PHLPP2: variants seen among roughly 807,000 people sequenced by gnomAD.
The protein encoded by PHLPP2 is PH domain and leucine rich repeat protein phosphatase 2.
A neutral mutation model predicts 124.9 loss-of-function variants in PHLPP2; 66 were observed. That is an observed-to-expected ratio of 0.53 (90% CI 0.43 to 0.65). PHLPP2 has a LOEUF of 0.65. Among genes scored for constraint, PHLPP2 ranks in the 30% least tolerant of loss-of-function variants. PHLPP2 has a pLI of 0.00. For missense variants in PHLPP2, 1,685 were observed against 1,600.4 expected, an observed-to-expected ratio of 1.05 and a Z score of -0.90; for synonymous variants, 681 against 624.7, an observed-to-expected ratio of 1.09 and a Z score of -1.34.
chr16:71,684,126 T>C (rs895576077), intron 5 of PHLPP2, among the ~76,000 whole-genome samples: 1 of 58,946 alleles, frequency 1.7e-5, no homozygotes, highest in African/African-American at 5.2e-5. Context: ...TGAGGTACTC[T>C]TTTTTTTTTT....
At chr16:71,652,378 G>A (rs893755402) in intron 18 of PHLPP2, among the ~76,000 whole-genome samples, 1 of 152,174 alleles carries the variant, frequency 6.6e-6, no homozygotes, top group Non-Finnish European at 1.5e-5. Context: ...GAGAACACCA[G>A]AGCATACTAC....
chr16:71,653,200 T>C (rs997027768), intron 17 of PHLPP2, among the ~76,000 whole-genome samples, 179 bp from the exon 18 acceptor site: 2 of 151,552 alleles, frequency 1.3e-5, no homozygotes, highest in Middle Eastern at 3.4e-3. Flanking sequence ...GAGACAGTTC[T>C]GCCTTCCACT....
intron 10 of PHLPP2, among the ~76,000 whole-genome samples, chr16:71,670,695 A>ACACACACACACACACACACAC (rs372978115): frequency 3.1e-5 from 4 of 129,024 alleles, no homozygotes; most frequent in African/African-American, 1.2e-4. Flanking sequence ...AGAGGCTGAA[A>ACACACACACACACACACACAC]ACACACACAC....
chr16:71,664,306 G>A (rs2044819779), intron 12 of PHLPP2: 1 of 588,512 alleles, frequency 1.7e-6, no homozygotes, highest in East Asian at 2.8e-5. Flanking sequence ...AAGTAGAGAG[G>A]AAAAAGTACA....
intron 10 of PHLPP2, 143 bp from the exon 11 acceptor site, chr16:71,669,513 T>C (rs1303908416): frequency 3.3e-6 from 2 of 604,812 alleles, no homozygotes; most frequent in African/African-American, 3.7e-5. Flanking sequence ...GAACACTGCC[T>C]GGAATATAGT....
intron 12 of PHLPP2, among the ~76,000 whole-genome samples, chr16:71,665,091 C>T (rs2044826948): frequency 6.6e-6 from 1 of 152,080 alleles, no homozygotes; most frequent in Admixed American, 6.6e-5. Context: ...GGGTGGATCA[C>T]GAGGTCAGGA....
At chr16:71,704,972 G>A (rs1033099223) in intron 2 of PHLPP2, among the ~76,000 whole-genome samples, 23 of 152,270 alleles carry the variant, frequency 1.5e-4, no homozygotes, top group East Asian at 3.9e-4. Context: ...ATGTTCAGAC[G>A]GATTGGACTT....
chr16:71,678,824 C>T lies in PHLPP2; in HGVS notation c.1199G>A (p.Gly400Glu). 1 of 1,612,682 alleles carries T rather than the reference C, an allele frequency of 6.2e-7. No homozygotes were observed. Among genetic ancestry groups the T allele is most frequent in the Non-Finnish European group, 8.5e-7 (1 of 1,178,706 alleles). The stretch of plus-strand genomic sequence containing the variant: ...TAAGTTCAGGACTTCCAGGCAATTT[C>T]CTGCCATAACCACTCTATCTAACAT... ...LTMLDRVVMA[G>E]NCLEVLNLGV... Residue 400 changes from glycine (G) to glutamate (E), a missense_variant, in exon 8 of 19, where the codon GGA becomes GAA. Transcript: ENST00000568954.
At chr16:71,664,610 G>C (rs1326237267) in intron 12 of PHLPP2, among the ~76,000 whole-genome samples, 1 of 152,090 alleles carries the variant, frequency 6.6e-6, no homozygotes, top group Non-Finnish European at 1.5e-5. Context: ...AAATTAGCTG[G>C]GTGTGGTGGT....
At chr16:71,714,001 A>G (rs1484734774) in intron 2 of PHLPP2, among the ~76,000 whole-genome samples, 1 of 147,712 alleles carries the variant, frequency 6.8e-6, no homozygotes, top group Non-Finnish European at 1.5e-5. Context: ...GTGCAGTGGC[A>G]TGATCTCGGC....
At chr16:71,692,092 C>T (rs536005329) in intron 3 of PHLPP2, among the ~76,000 whole-genome samples, 11 of 151,372 alleles carry the variant, frequency 7.3e-5, no homozygotes, top group East Asian at 1.9e-4. Context: ...TTTTTTGAGA[C>T]GGAGTCTTGC....
At chr16:71,702,484 A>G (rs932899514) in intron 3 of PHLPP2, 114 bp downstream of exon 3, 3 of 828,192 alleles carry the variant, frequency 3.6e-6, no homozygotes, top group Admixed American at 4.7e-5. Context: ...ACGTTAGTTA[A>G]TTGGCTTAAA....
In PHLPP2 at chr16:71,719,964, A is replaced by ATTTTTTTTTTTTTTTTTTTTTT. The variant is rs756642820; in HGVS notation, c.-7+4343_-7+4364dup. On this transcript the variant is annotated intron_variant, in intron 1 of 18. Coordinates refer to ENST00000568954, the MANE Select transcript of PHLPP2 (RefSeq NM_015020.3). ...AGGTGCACAACACCATGCCCAGCTA[A>ATTTTTTTTTTTTTTTTTTTTTT]TTTTTTTTTTTTTTTTTTTTTTTTG... 6.2e-4 allele frequency among the ~76,000 whole-genome samples: 33 copies of ATTTTTTTTTTTTTTTTTTTTTT among 53,250 alleles called. 4 individuals are homozygous for ATTTTTTTTTTTTTTTTTTTTTT. Among genetic ancestry groups the ATTTTTTTTTTTTTTTTTTTTTT allele is most frequent in the African/African-American group, 2.0e-3 (24 of 11,984 alleles). The allele number at this position is 53,250 out of a possible 152,430, so 34.9% of individuals were successfully genotyped here. A position where few individuals can be genotyped will look rare whatever the true frequency, so the allele number is the denominator to read the frequency against.
At chr16:71,665,144 C>T (rs1486260591) in intron 12 of PHLPP2, among the ~76,000 whole-genome samples, 2 of 151,808 alleles carry the variant, frequency 1.3e-5, no homozygotes, top group East Asian at 3.9e-4. Context: ...CTCATCTCTA[C>T]TAAAAATACA....
intron 2 of PHLPP2, among the ~76,000 whole-genome samples, chr16:71,703,443 CT>C (rs2045249941): frequency 6.6e-6 from 1 of 152,062 alleles, no homozygotes; most frequent in African/African-American, 2.4e-5. Context: ...CCTGCAATCA[CT>C]TGTGGCCTCT....
intron 3 of PHLPP2, among the ~76,000 whole-genome samples, chr16:71,694,560 G>A (rs1210237385): frequency 6.6e-6 from 1 of 151,994 alleles, no homozygotes; most frequent in East Asian, 1.9e-4. Flanking sequence ...AAAGTTACAG[G>A]CTGGAAAAAA....
At position 71,650,049 on chromosome 16, in the gene PHLPP2, A is replaced by C. The variant is rs1278220197; in HGVS notation, c.2818-5T>G. 2 of 1,597,474 alleles carry C rather than the reference A, an allele frequency of 1.3e-6. No individual in the cohort carries two copies. The highest frequency in any genetic ancestry group is 1.7e-6 in the Non-Finnish European group (2 of 1,174,396). ...TACCCCATTCACTTTGTTGTCCTAC[A>C]GAAGAGCAGGACACAAATTCTGAGA... On this transcript the variant is annotated splice_region_variant and splice_polypyrimidine_tract_variant and intron_variant, in intron 18 of 18. Coordinates refer to ENST00000568954, the MANE Select transcript of PHLPP2 (RefSeq NM_015020.3).
chr16:71,650,091 A>T, intron 18 of PHLPP2, 47 bp from the exon 19 acceptor site: 2 of 1,442,612 alleles, frequency 1.4e-6, no homozygotes, highest in Non-Finnish European at 1.9e-6. Context: ...CAACGATGAG[A>T]GCCAACTTAT....
At chr16:71,721,347 T>C (rs960583333) in intron 1 of PHLPP2, among the ~76,000 whole-genome samples, 1 of 152,210 alleles carries the variant, frequency 6.6e-6, no homozygotes, top group African/African-American at 2.4e-5. Context: ...CTGGGTGCAG[T>C]GGCTCATGCC....
Sources: gnomAD v4.1 joint callset for allele counts (sites outside exome capture counted in the v4.1 genomes callset) on GRCh38, gnomAD v4.1.1 for gene constraint, MANE v1.5 for transcripts, NCBI Gene and HGNC (gene_info 2026-07-23, HGNC 2026-07-21) for gene names.